Variants in SDK1 observed in about 807,000 individuals in gnomAD.
SDK1 encodes the protein protein sidekick-1.
SDK1 carries 157 observed loss-of-function variants against 245.5 expected under a neutral mutation model. The observed-to-expected ratio is 0.64, with a 90% CI of 0.56 to 0.73. The LOEUF is 0.73. Ranked by LOEUF, SDK1 falls within the 30% of genes least tolerant of loss-of-function variation. The pLI, the probability that SDK1 is intolerant of heterozygous loss-of-function variation, is 0.00. For missense variants in SDK1, 3,583 were observed against 3,002.3 expected (o/e 1.19, Z -4.52); for synonymous variants, 1,647 against 1,278.5 (o/e 1.29, Z -6.15).
chr7:3,937,726 G>A (rs141171006), intron 5 of SDK1, among the ~76,000 whole-genome samples: 32 of 152,352 alleles, frequency 2.1e-4, no homozygotes, highest in African/African-American at 2.6e-4. Context: ...CTGCCCGCGC[G>A]TCCTGCAGGT....
At chr7:4,263,263 T>C (rs1051851053) in intron 44 of SDK1, among the ~76,000 whole-genome samples, 4 of 143,662 alleles carry the variant, frequency 2.8e-5, no homozygotes, top group African/African-American at 1.0e-4. Context: ...CATCTTAGTC[T>C]CAGGCAAGCC....
intron 1 of SDK1, 95 bp from the exon 2 acceptor site, chr7:3,618,985 A>C (rs756489498): frequency 2.9e-6 from 3 of 1,046,310 alleles, no homozygotes; most frequent in Non-Finnish European, 4.1e-6. Context: ...TCATTTTAAT[A>C]TTACGTTTGT....
At chr7:3,744,705 G>T (rs534358301) in intron 4 of SDK1, among the ~76,000 whole-genome samples, 2 of 151,900 alleles carry the variant, frequency 1.3e-5, no homozygotes, top group South Asian at 4.2e-4. Flanking sequence ...TCAGCTACTC[G>T]GGAGGCTGAG....
chr7:4,101,740 G>C (rs763900838), intron 22 of SDK1, among the ~76,000 whole-genome samples: 2 of 152,186 alleles, frequency 1.3e-5, no homozygotes, highest in African/African-American at 2.4e-5. Flanking sequence ...GACCCCAGAA[G>C]CGTCTGCCTG....
chr7:3,433,307 A>G (rs1165290520), intron 1 of SDK1, among the ~76,000 whole-genome samples: 1 of 152,206 alleles, frequency 6.6e-6, no homozygotes, highest in Non-Finnish European at 1.5e-5. Flanking sequence ...CACACTTCAA[A>G]AGGTGTGTGT....
At chr7:3,358,620 T>G (rs896830716) in intron 1 of SDK1, among the ~76,000 whole-genome samples, 5 of 152,142 alleles carry the variant, frequency 3.3e-5, no homozygotes, top group Admixed American at 1.3e-4. Flanking sequence ...ATTAAGTGCT[T>G]TCAGGAATTA....
At chr7:4,148,605 G>A (rs1780147221) in intron 29 of SDK1, among the ~76,000 whole-genome samples, 3 of 152,346 alleles carry the variant, frequency 2.0e-5, no homozygotes, top group African/African-American at 7.2e-5. Flanking sequence ...GAAAAAGAGA[G>A]ACCAAAGGGA....
At chr7:3,841,510 G>A (rs539801156) in intron 5 of SDK1, among the ~76,000 whole-genome samples, 2 of 152,270 alleles carry the variant, frequency 1.3e-5, no homozygotes, top group East Asian at 1.9e-4. Context: ...TGAGCTCCAG[G>A]TGGCTAGAAC....
chr7:4,151,308 A>G (rs1780365064), intron 30 of SDK1, among the ~76,000 whole-genome samples: 1 of 152,148 alleles, frequency 6.6e-6, no homozygotes, highest in South Asian at 2.1e-4. Flanking sequence ...CACCCTCTGC[A>G]GTCTCATGGT....
intron 1 of SDK1, among the ~76,000 whole-genome samples, chr7:3,555,693 G>A (rs1779566321): frequency 1.3e-5 from 2 of 152,222 alleles, no homozygotes; most frequent in African/African-American, 2.4e-5. Flanking sequence ...TTAGTAACCA[G>A]CATATATAAG....
intron 14 of SDK1, among the ~76,000 whole-genome samples, chr7:3,997,864 C>G (rs575110342): frequency 5.3e-5 from 8 of 152,212 alleles, no homozygotes; most frequent in African/African-American, 1.9e-4. Context: ...CCATTCATGG[C>G]ACTCATGCTC....
chr7:3,339,658 C>T (rs1780293991), intron 1 of SDK1, among the ~76,000 whole-genome samples: 1 of 152,072 alleles, frequency 6.6e-6, no homozygotes, highest in African/African-American at 2.4e-5. Context: ...ATTCATACGT[C>T]AGTCTCAAAG....
In SDK1 at chr7:3,821,478, A is replaced by G; in HGVS notation, c.742A>G (p.Ile248Val). The G allele has an allele frequency of 2.5e-6, 4 of 1,613,646 alleles. No homozygotes were observed. Among genetic ancestry groups the G allele is most frequent in the Non-Finnish European group, 3.4e-6 (4 of 1,179,808 alleles). Reference protein sequence around the residue: ...IAITLENQLVILATTTSDAGA... With the variant: ...IAITLENQLVVLATTTSDAGA... ...CATCACATTGGAGAATCAGCTGGTG[A>G]TCCTCGCCACCACAACCAGTGATGC... is the stretch of plus-strand genomic sequence containing the variant. The change falls in exon 5 of 45, where the codon ATC (isoleucine) becomes GTC (valine). Residue 248 changes from isoleucine (I) to valine (V), a missense_variant. Coordinates refer to ENST00000404826, the MANE Select transcript of SDK1 (RefSeq NM_152744.4).
At chr7:3,849,797 A>G (rs1350199297) in intron 5 of SDK1, among the ~76,000 whole-genome samples, 7 of 152,164 alleles carry the variant, frequency 4.6e-5, no homozygotes, top group African/African-American at 1.2e-4. Context: ...TACTGTACCT[A>G]TCTGTGTAAC....
At chr7:4,012,921 A>T (rs1239666124) in intron 16 of SDK1, among the ~76,000 whole-genome samples, 1 of 152,154 alleles carries the variant, frequency 6.6e-6, no homozygotes, top group Non-Finnish European at 1.5e-5. Context: ...AACCAAGGGC[A>T]TGTGTTGTTC....
At chr7:4,087,428 G>A (rs1046257215) in intron 22 of SDK1, among the ~76,000 whole-genome samples, 1 of 151,850 alleles carries the variant, frequency 6.6e-6, no homozygotes, top group African/African-American at 2.4e-5. Context: ...TTTAATATCT[G>A]GTGAGGCCTG....
rs563689357 is a variant in SDK1 at position 3,371,934 on chromosome 7, G to A, written c.298+70050G>A. Among the ~76,000 whole-genome samples, 56 of 152,302 alleles carry A rather than the reference G, an allele frequency of 3.7e-4. 1 individual carries two copies. In the South Asian group the frequency reaches 0.011, roughly 29 times the overall value. On this transcript the variant is annotated intron_variant, in intron 1 of 44. Coordinates refer to ENST00000404826, the MANE Select transcript of SDK1 (RefSeq NM_152744.4). The stretch of plus-strand genomic sequence containing the variant: ...GAATTTTTAGGATAAAACAATCCCA[G>A]GAGATAGAGCAGGTTGTGAAGAAAC...
chr7:3,677,539 A>G (rs904628152), intron 4 of SDK1, among the ~76,000 whole-genome samples: 10 of 152,220 alleles, frequency 6.6e-5, no homozygotes, highest in African/African-American at 2.2e-4. Flanking sequence ...CACTACCACA[A>G]GAATGGTATG....
In SDK1 at chr7:4,049,550, A is replaced by G. The variant is rs1044371273; in HGVS notation, c.2718+87A>G. 1.6e-5 allele frequency: 16 copies of G among 974,246 alleles called. 1 individual carries two copies. The East Asian group carries it at 2.5e-4, about 15-fold the overall frequency. 60.4% of individuals were successfully genotyped at this position (974,246 alleles called of 1,614,324 possible). A position where few individuals can be genotyped will look rare whatever the true frequency, so the allele number is the denominator to read the frequency against. The stretch of plus-strand genomic sequence containing the variant: ...CAGCTGGAGGCACCCCCTCTTGTGT[A>G]TCAAGAGCTGGTTGCATTAAGATAC... On this transcript the variant is annotated intron_variant, in intron 18 of 44. Transcript: ENST00000404826.
Sources: gnomAD v4.1 joint callset for allele counts (sites outside exome capture counted in the v4.1 genomes callset) on GRCh38, gnomAD v4.1.1 for gene constraint, MANE v1.5 for transcripts, NCBI Gene and HGNC (gene_info 2026-07-23, HGNC 2026-07-21) for gene names.